The following ERC2 variants were observed in gnomAD, a reference collection of about 807,000 sequenced individuals.
ERC2 encodes the protein ERC protein 2.
ERC2 carries 42 observed loss-of-function variants against 114.8 expected under a neutral mutation model. The observed-to-expected ratio is 0.37, with a 90% CI of 0.29 to 0.47. The LOEUF is 0.47. ERC2 is among the 20% of genes least tolerant of loss of function. ERC2 has a pLI of 0.99. For missense variants in ERC2, 939 were observed against 1,150.7 expected, an observed-to-expected ratio of 0.82 and a Z score of 2.66; for synonymous variants, 454 against 425.5, an observed-to-expected ratio of 1.07 and a Z score of -0.82.
At chr3:56,139,324 A>C (rs912521479) in intron 6 of ERC2, among the ~76,000 whole-genome samples, 185 bp downstream of exon 6, 2 of 152,230 alleles carry the variant, frequency 1.3e-5, no homozygotes, top group Non-Finnish European at 2.9e-5. Flanking sequence ...CTACAACTTC[A>C]CTTGCAGTGT....
intron 17 of ERC2, among the ~76,000 whole-genome samples, chr3:55,534,615 G>A (rs72868690): frequency 2.6e-5 from 4 of 151,996 alleles, no homozygotes; most frequent in Non-Finnish European, 5.9e-5. Flanking sequence ...AGGATCAATC[G>A]AGCCTGGGAA....
intron 4 of ERC2, among the ~76,000 whole-genome samples, chr3:56,168,129 T>C (rs911644131): frequency 1.3e-5 from 2 of 152,210 alleles, no homozygotes; most frequent in Admixed American, 6.5e-5. Flanking sequence ...AAATCTCAGC[T>C]GCCAATCTGA....
At position 55,560,458 on chromosome 3, in the gene ERC2, T is replaced by C. The variant is rs987357547; in HGVS notation, c.*40-49182A>G. Among the ~76,000 whole-genome samples the C allele has an allele frequency of 3.3e-5, 5 of 152,226 alleles. 1 individual carries two copies. The highest frequency in any genetic ancestry group is 4.1e-4 in the South Asian group (2 of 4,822). On this transcript the variant is annotated intron_variant, in intron 17 of 17. Coordinates refer to ENST00000288221, the MANE Select transcript of ERC2 (RefSeq NM_015576.3). ...GAGCCCTAAGCTGCCATGTAAGAAA[T>C]TGCACTACCCAGAGAGAAACCACAG...
At chr3:56,293,253 C>T (rs920663866) in intron 3 of ERC2, among the ~76,000 whole-genome samples, 20 of 152,308 alleles carry the variant, frequency 1.3e-4, no homozygotes, top group African/African-American at 4.6e-4. Context: ...GGTTAATACA[C>T]ACATAATCAT....
At chr3:55,899,592 G>A (rs1002158485) in intron 13 of ERC2, among the ~76,000 whole-genome samples, 1 of 152,050 alleles carries the variant, frequency 6.6e-6, no homozygotes, top group African/African-American at 2.4e-5. Flanking sequence ...TTGTTGAGAT[G>A]TTCGTCAGAT....
intron 17 of ERC2, among the ~76,000 whole-genome samples, chr3:55,620,265 GATA>G (rs1401088601): frequency 6.6e-6 from 1 of 152,128 alleles, no homozygotes; most frequent in African/African-American, 2.4e-5. Flanking sequence ...TAGTACTCTT[GATA>G]ATAATGCCAT....
intron 2 of ERC2, among the ~76,000 whole-genome samples, chr3:56,368,488 C>A (rs746269259): frequency 6.6e-6 from 1 of 152,150 alleles, no homozygotes; most frequent in Non-Finnish European, 1.5e-5. Flanking sequence ...GAGAAGATAA[C>A]CTTCAACAAC....
intron 11 of ERC2, among the ~76,000 whole-genome samples, chr3:55,990,213 G>T (rs981340223): frequency 7.2e-5 from 11 of 151,938 alleles, no homozygotes; most frequent in Non-Finnish European, 1.5e-4. Context: ...AGCCCTTTAA[G>T]GATTCTATTT....
chr3:55,861,877 G>C (rs550948631), intron 14 of ERC2, among the ~76,000 whole-genome samples: 3 of 152,136 alleles, frequency 2.0e-5, no homozygotes, highest in Non-Finnish European at 4.4e-5. Flanking sequence ...TCTTTCATCA[G>C]GTTGTTCCAA....
intron 14 of ERC2, among the ~76,000 whole-genome samples, chr3:55,821,991 CT>C: frequency 6.6e-6 from 1 of 152,282 alleles, no homozygotes; most frequent in East Asian, 1.9e-4. Context: ...AAAAAATGAT[CT>C]TTCCTTTGAT....
At chr3:55,717,849 C>A (rs2064216721) in intron 15 of ERC2, among the ~76,000 whole-genome samples, 1 of 152,128 alleles carries the variant, frequency 6.6e-6, no homozygotes. Context: ...CAAATCAATC[C>A]ACAGATCGTG....
chr3:55,639,968 C>G (rs1363095645), intron 17 of ERC2, among the ~76,000 whole-genome samples: 1 of 150,826 alleles, frequency 6.6e-6, no homozygotes, highest in African/African-American at 2.4e-5. Flanking sequence ...AAGAAGGAGG[C>G]AGATCCACAC....
intron 3 of ERC2, among the ~76,000 whole-genome samples, chr3:56,232,864 T>C (rs921780563): frequency 9.9e-5 from 15 of 152,210 alleles, no homozygotes; most frequent in Admixed American, 7.2e-4. Flanking sequence ...GCCTTCTGCC[T>C]CAGACCTTCA....
chr3:55,538,090 T>C (rs1575510565), intron 17 of ERC2, among the ~76,000 whole-genome samples: 1 of 152,208 alleles, frequency 6.6e-6, no homozygotes, highest in Non-Finnish European at 1.5e-5. Context: ...ATCTAAATAA[T>C]TAAAATCTGT....
At chr3:55,829,833 C>A (rs925817934) in intron 14 of ERC2, among the ~76,000 whole-genome samples, 16 of 151,976 alleles carry the variant, frequency 1.1e-4, no homozygotes, top group Admixed American at 9.8e-4. Context: ...CCCAAAATAT[C>A]GAACATTTGT....
At chr3:55,864,259 G>A (rs1035143717) in intron 14 of ERC2, among the ~76,000 whole-genome samples, 1 of 147,592 alleles carries the variant, frequency 6.8e-6, no homozygotes. Flanking sequence ...GTATATATAT[G>A]TGTGTGTGTA....
chr3:55,929,596 A>G (rs1230266074), intron 13 of ERC2, among the ~76,000 whole-genome samples: 1 of 152,252 alleles, frequency 6.6e-6, no homozygotes, highest in Non-Finnish European at 1.5e-5. Flanking sequence ...AATGGATAAT[A>G]AAAATTACAA....
At chr3:55,720,837 G>A (rs1419095608) in intron 15 of ERC2, among the ~76,000 whole-genome samples, 1 of 152,132 alleles carries the variant, frequency 6.6e-6, no homozygotes, top group African/African-American at 2.4e-5. Context: ...GAATAAGATA[G>A]CCCCATCTTT....
At chr3:56,135,729 T>C (rs1038089462) in intron 6 of ERC2, among the ~76,000 whole-genome samples, 1 of 152,174 alleles carries the variant, frequency 6.6e-6, no homozygotes, top group Non-Finnish European at 1.5e-5. Context: ...AAATGCTGTG[T>C]TTTGTTTGAC....
Sources: gnomAD v4.1 joint callset for allele counts (sites outside exome capture counted in the v4.1 genomes callset) on GRCh38, gnomAD v4.1.1 for gene constraint, MANE v1.5 for transcripts, NCBI Gene and HGNC (gene_info 2026-07-23, HGNC 2026-07-21) for gene names.